Variants in ATP7B observed in about 807,000 individuals in gnomAD.
The protein encoded by ATP7B is copper-transporting ATPase 2.
A neutral mutation model predicts 118.9 loss-of-function variants in ATP7B; 113 were observed. That is an observed-to-expected ratio of 0.95 (90% CI 0.82 to 1.11). The LOEUF (loss-of-function observed/expected upper bound fraction) is 1.11. Among genes scored for constraint, ATP7B ranks in the 50% most tolerant of loss-of-function variants. ATP7B has a pLI of 0.00. For synonymous variants in ATP7B, 777 were observed against 727.4 expected, an observed-to-expected ratio of 1.07 and a Z score of -1.10; for missense variants, 1,867 against 1,871.4, an observed-to-expected ratio of 1.00 and a Z score of 0.04.
At chr13:51,958,214 G>T in intron 8 of ATP7B, 97 bp downstream of exon 8, 1 of 1,353,300 alleles carries the variant, frequency 7.4e-7, no homozygotes, top group Non-Finnish European at 1.0e-6. Flanking sequence ...CTGTCTCTAT[G>T]CTGTGTATAA....
chr13:51,969,037 T>G (rs1179505884), intron 3 of ATP7B, among the ~76,000 whole-genome samples: 1 of 151,278 alleles, frequency 6.6e-6, no homozygotes, highest in African/African-American at 2.4e-5. Context: ...ATTTTTGTAT[T>G]TTTAGTAGAG....
intron 5 of ATP7B, among the ~76,000 whole-genome samples, chr13:51,962,913 G>T (rs552029806): frequency 6.6e-6 from 1 of 152,104 alleles, no homozygotes; most frequent in South Asian, 2.1e-4. Context: ...CAAACATGGC[G>T]AAACCCCATC....
In ATP7B at chr13:51,964,952, C is replaced by T. The variant is rs760501309; in HGVS notation, c.1789G>A (p.Val597Ile). Residue 597 changes from valine (V) to isoleucine (I), a missense_variant, in exon 5 of 21, where the codon GTT becomes ATT. Val to Ile is a conservative substitution (Grantham distance 29). Transcript: ENST00000242839. ...TRTNGITYAS[V>I]ALATSKALVK... ...AGGGCTTTGCTGGTGGCAAGGGCAA[C>T]GGAGGCATAAGTGATGCCATTTGTC... The T allele has an allele frequency of 4.1e-5, 66 of 1,614,156 alleles. No homozygotes were observed. Among genetic ancestry groups the T allele is most frequent in the East Asian group, 1.8e-4 (8 of 44,884 alleles).
chr13:52,008,314 T>C (rs1384221538), intron 1 of ATP7B, among the ~76,000 whole-genome samples: 1 of 152,202 alleles, frequency 6.6e-6, no homozygotes, highest in Non-Finnish European at 1.5e-5. Flanking sequence ...CACTCCAGCC[T>C]AGCAACAGAG....
intron 2 of ATP7B, 128 bp downstream of exon 2, chr13:51,973,807 G>A: frequency 5.2e-6 from 7 of 1,357,898 alleles, no homozygotes; most frequent in Non-Finnish European, 6.2e-6. Context: ...AGGAAAGTTT[G>A]CAGGATTTTG....
Position 51,977,360 on chromosome 13 carries a change from A to C in ATP7B, c.52-2192T>G, listed in dbSNP as rs556989863. ...AAGCTTTTAAAATTTTTTTATTTTT[A>C]AACTGTTTAAGCATTTTTGTTAAAA... is the stretch of plus-strand genomic sequence containing the variant. On this transcript the variant is annotated intron_variant, in intron 1 of 20. Coordinates refer to ENST00000242839, the MANE Select transcript of ATP7B (RefSeq NM_000053.4). 3.0e-4 allele frequency among the ~76,000 whole-genome samples: 46 copies of C among 151,964 alleles called. 1 individual carries two copies. The South Asian group carries it at 9.5e-3, about 32-fold the overall frequency.
intron 1 of ATP7B, among the ~76,000 whole-genome samples, chr13:52,007,706 C>A: frequency 6.6e-6 from 1 of 152,336 alleles, no homozygotes; most frequent in East Asian, 1.9e-4. Context: ...CCACACTTCA[C>A]ATGCCAGTCG....
chr13:51,939,363 T>G (rs999240865), intron 16 of ATP7B, among the ~76,000 whole-genome samples, 170 bp from the exon 17 acceptor site: 3 of 152,228 alleles, frequency 2.0e-5, no homozygotes, highest in African/African-American at 4.8e-5. Context: ...CATTTACGGA[T>G]GTACACAAAA....
At chr13:51,983,558 T>G (rs1952519773) in intron 1 of ATP7B, among the ~76,000 whole-genome samples, 1 of 152,090 alleles carries the variant, frequency 6.6e-6, no homozygotes, top group African/African-American at 2.4e-5. Context: ...GTGCTCGAGC[T>G]CTGCTAAGGG....
At chr13:51,937,149 A>C (rs1201716246) in intron 19 of ATP7B, 127 bp downstream of exon 19, 2 of 821,734 alleles carry the variant, frequency 2.4e-6, no homozygotes, top group Non-Finnish European at 4.0e-6. Flanking sequence ...GAAAAAAAAA[A>C]AAAAACAGCC....
In ATP7B at chr13:51,946,344, C is replaced by T. The variant is rs1236597123; in HGVS notation, c.3000G>A (p.Gly1000=). 6.2e-7 allele frequency: 1 copy of T among 1,611,188 alleles called. No individual in the cohort carries two copies. The highest frequency in any genetic ancestry group is 2.2e-5 in the East Asian group (1 of 44,824). ...TGAGGATGCCGTTCTGCGCGGCCAC[C>T]CCGGTGCCCACCATGACAGCCGTGG... The part of the protein sequence containing the change: ...ATPTAVMVGT[G]VAAQNGILIK... Residue 1000 remains glycine (G), a synonymous_variant, in exon 13 of 21, where the codon GGG becomes GGA. Transcript: ENST00000242839.
rs116856660 is a variant in ATP7B at position 51,937,776 on chromosome 13, G to A, written c.3700-97C>T. ...CTTGCCCCCTCTGCCCTCGGCCTCT[G>A]GGTCCAGTCAGTGATGTTGGTCAAC... On this transcript the variant is annotated intron_variant, in intron 17 of 20. Coordinates refer to ENST00000242839, the MANE Select transcript of ATP7B (RefSeq NM_000053.4). 883 of 1,400,172 alleles carry A rather than the reference G, an allele frequency of 6.3e-4. 12 individuals carry two copies. In the East Asian group the frequency reaches 0.02, roughly 31 times the overall value. 86.7% of individuals were successfully genotyped at this position (1,400,172 alleles called of 1,614,324 possible). A position where few individuals can be genotyped will look rare whatever the true frequency, so the allele number is the denominator to read the frequency against.
intron 1 of ATP7B, among the ~76,000 whole-genome samples, chr13:52,009,889 G>T (rs1296098012): frequency 6.6e-6 from 1 of 152,112 alleles, no homozygotes; most frequent in South Asian, 2.1e-4. Context: ...ACATCAAAGG[G>T]TTTTTGTGAG....
At chr13:51,957,437 A>C in intron 9 of ATP7B, 79 bp downstream of exon 9, 1 of 1,406,140 alleles carries the variant, frequency 7.1e-7, no homozygotes, top group African/African-American at 1.4e-5. Context: ...TTGCAATGTC[A>C]ATACAACATG....
intron 1 of ATP7B, among the ~76,000 whole-genome samples, chr13:51,980,646 T>G (rs1160438249): frequency 6.6e-6 from 1 of 152,186 alleles, no homozygotes; most frequent in African/African-American, 2.4e-5. Context: ...AGAAACAACA[T>G]GCTTTGTTAG....
rs1956837962 is a variant in ATP7B, at chr13:51,934,265, T to C, written c.*491A>G. ...TATGTACGAAGAAAGGAACAGACTATGCAGGAAGAAAGCAACAGGCACACC... is the reference window on the plus strand; with the variant it reads ...TATGTACGAAGAAAGGAACAGACTACGCAGGAAGAAAGCAACAGGCACACC... On this transcript the variant is annotated 3_prime_UTR_variant, in exon 21 of 21. Transcript: ENST00000242839. 1 of 255,126 alleles carries C rather than the reference T, an allele frequency of 3.9e-6. No homozygotes were observed. The highest frequency in any genetic ancestry group is 5.3e-5 in the South Asian group (1 of 18,950). The allele number at this position is 255,126 out of a possible 1,614,324, so 15.8% of individuals were successfully genotyped here. A position where few individuals can be genotyped will look rare whatever the true frequency, so the allele number is the denominator to read the frequency against.
At position 51,987,622 on chromosome 13, in the gene ATP7B, A is replaced by G. The variant is rs568616751; in HGVS notation, c.52-12454T>C. ...ATAGCCAAGACAATCCTAAGCAAAA[A>G]GAACAAAGCCGGAGGCATCACACTA... On this transcript the variant is annotated intron_variant, in intron 1 of 20. Coordinates refer to ENST00000242839, the MANE Select transcript of ATP7B (RefSeq NM_000053.4). 3.3e-5 allele frequency among the ~76,000 whole-genome samples: 5 copies of G among 152,350 alleles called. No homozygotes were observed. In the South Asian group the frequency reaches 6.2e-4, roughly 19 times the overall value.
At position 51,974,034 on chromosome 13, in the gene ATP7B, C is replaced by T. The variant is rs763051801; in HGVS notation, c.1186G>A (p.Glu396Lys). ...TTATAAAGAACTGTTGCAGTCCCTT[C>T]GGCCAAAGACACCGATATTTGCTGC... is the stretch of plus-strand genomic sequence containing the variant. ...GVQQISVSLA[E>K]GTATVLYNPS... is the part of the protein sequence containing the mutation. Residue 396 changes from glutamate (E) to lysine (K), a missense_variant, in exon 2 of 21, where the codon GAA becomes AAA. Transcript: ENST00000242839. The T allele has an allele frequency of 8.7e-6, 14 of 1,614,216 alleles. No homozygotes were observed. The highest frequency in any genetic ancestry group is 1.1e-5 in the South Asian group (1 of 91,082).
intron 1 of ATP7B, among the ~76,000 whole-genome samples, chr13:51,998,269 C>A (rs1393433002): frequency 6.6e-6 from 1 of 152,168 alleles, no homozygotes; most frequent in Non-Finnish European, 1.5e-5. Context: ...ACACTTGTTA[C>A]TGATGCCTAT....
Sources: allele counts gnomAD v4.1 joint callset (sites outside exome capture counted in the v4.1 genomes callset), GRCh38; gene constraint gnomAD v4.1.1; transcripts MANE v1.5; gene names NCBI Gene and HGNC (gene_info 2026-07-23, HGNC 2026-07-21).